The following ZDBF2 variants were observed in gnomAD, a reference collection of about 807,000 sequenced individuals.
ZDBF2 encodes the protein DBF4-type zinc finger-containing protein 2.
In ZDBF2, 6 loss-of-function variants were observed where a neutral mutation model predicts 9.4. The ratio of observed to expected loss-of-function variants is 0.64; its 90% confidence interval spans 0.35 to 1.27. ZDBF2 has a LOEUF of 1.27. Ranked by LOEUF, ZDBF2 falls within the 50% of genes most tolerant of loss-of-function variation. The probability of loss-of-function intolerance (pLI) is 0.03; values close to 1 mark genes in which losing one functional copy is unlikely to be tolerated. For missense variants in ZDBF2, 2,697 were observed against 2,766.8 expected, an observed-to-expected ratio of 0.97 and a Z score of 0.57; for synonymous variants, 905 against 946.3, an observed-to-expected ratio of 0.96 and a Z score of 0.80.
At chr2:206,293,099 A>C (rs1322673231) in intron 3 of ZDBF2, among the ~76,000 whole-genome samples, 1 of 152,172 alleles carries the variant, frequency 6.6e-6, no homozygotes, top group Non-Finnish European at 1.5e-5. Context: ...AAAATAGTGC[A>C]GTTTTGCTGC....
In ZDBF2 at chr2:206,314,198, C is replaced by A. The variant is rs1461665567; in HGVS notation, c.*2605C>A. On this transcript the variant is annotated 3_prime_UTR_variant, in exon 5 of 5. Transcript: ENST00000374423. Reference sequence around the variant, plus strand: ...GAGTTCTACAGTATGTGAACAATATCGTGTGAAGTGTGTTTTTGCATTTGT... The same window carrying A: ...GAGTTCTACAGTATGTGAACAATATAGTGTGAAGTGTGTTTTTGCATTTGT... 1.4e-5 allele frequency: 2 copies of A among 147,226 alleles called. No homozygotes were observed. Among genetic ancestry groups the A allele is most frequent in the Non-Finnish European group, 3.0e-5 (2 of 67,230 alleles). The allele number at this position is 147,226 out of a possible 1,614,324, so 9.1% of individuals were successfully genotyped here.
intron 4 of ZDBF2, among the ~76,000 whole-genome samples, chr2:206,300,009 T>C (rs1467869899): frequency 1.3e-5 from 2 of 152,036 alleles, no homozygotes; most frequent in African/African-American, 4.8e-5. Context: ...GTAGGGAGGC[T>C]GAGGCAGGAG....
In ZDBF2 at chr2:206,308,893, A is replaced by G; in HGVS notation, c.4365A>G (p.Lys1455=). 6.2e-7 allele frequency: 1 copy of G among 1,612,690 alleles called. No individual in the cohort carries two copies. Among genetic ancestry groups the G allele is most frequent in the Non-Finnish European group, 8.5e-7 (1 of 1,179,398 alleles). Residue 1455 remains lysine, a synonymous_variant, in exon 5 of 5, where the codon AAA becomes AAG. Coordinates refer to ENST00000374423, the MANE Select transcript of ZDBF2 (RefSeq NM_020923.3). ...GTGAAGTCTGTGGTTCTGAAATAAA[A>G]TGTCATTCTTGTGTTCATCTTCAGT... ...KNCEVCGSEI[K]CHSCVHLQSE...
rs1693117969 is a variant in ZDBF2, at chr2:206,310,659, A to T, written c.6131A>T (p.Lys2044Ile). Residue 2044 changes from lysine to isoleucine, a missense_variant, in exon 5 of 5, where the codon AAA (lysine) becomes ATA (isoleucine). By Grantham distance (102) the Lys-to-Ile change is moderately radical. This residue lies in a region of ZDBF2 where 1,783 missense variants were observed against 1,776.5 expected (regional missense o/e 1.00). Coordinates refer to ENST00000374423, the MANE Select transcript of ZDBF2 (RefSeq NM_020923.3). ...SWDNDIRFICKYKRNIFDYYE... is the reference protein window; with the variant it reads ...SWDNDIRFICIYKRNIFDYYE... ...GATAATGATATTCGGTTTATATGCA[A>T]ATATAAACGGAATATCTTTGATTAT... The T allele has an allele frequency of 6.2e-7, 1 of 1,610,812 alleles. No homozygotes were observed. The highest frequency in any genetic ancestry group is 1.7e-5 in the Admixed American group (1 of 59,448).
chr2:206,304,977 A>G lies in ZDBF2; in HGVS notation c.449A>G (p.Glu150Gly), dbSNP rs1238669815. Residue 150 changes from glutamate to glycine, a missense_variant, in exon 5 of 5, where the codon GAG (glutamate) becomes GGG (glycine). This residue lies in a region of ZDBF2 where 910 missense variants were observed against 973.6 expected (regional missense o/e 0.93). Transcript: ENST00000374423. The part of the protein sequence containing the change: ...KLEKGQQQPL[E>G]FVHKIGASVR... ...GAGAAGGGACAGCAGCAGCCCTTGGAGTTTGTTCATAAAATTGGGGCCAGT... is the reference window on the plus strand; with the variant it reads ...GAGAAGGGACAGCAGCAGCCCTTGGGGTTTGTTCATAAAATTGGGGCCAGT... 6.2e-7 allele frequency: 1 copy of G among 1,613,652 alleles called. No individual in the cohort carries two copies. Among genetic ancestry groups the G allele is most frequent in the East Asian group, 2.2e-5 (1 of 44,872 alleles).
intron 3 of ZDBF2, among the ~76,000 whole-genome samples, chr2:206,288,719 G>A (rs1375971741): frequency 6.6e-6 from 1 of 152,128 alleles, no homozygotes; most frequent in Non-Finnish European, 1.5e-5. Context: ...AGTAGCTGGG[G>A]CCCAGGGCAT....
intron 3 of ZDBF2, among the ~76,000 whole-genome samples, chr2:206,287,842 A>G (rs542253960): frequency 3.5e-4 from 53 of 152,034 alleles, no homozygotes; most frequent in African/African-American, 1.2e-3. Flanking sequence ...CAAATCTGCT[A>G]TTGAATCTCT....
chr2:206,288,493 C>G (rs1401267020), intron 3 of ZDBF2, among the ~76,000 whole-genome samples: 2 of 152,156 alleles, frequency 1.3e-5, no homozygotes, highest in Non-Finnish European at 2.9e-5. Context: ...GTAGATCCCT[C>G]TTGGTGTTAG....
chr2:206,311,859 A>G lies in ZDBF2; in HGVS notation c.*266A>G, dbSNP rs1693210144. The stretch of plus-strand genomic sequence containing the variant: ...ATGTCACAAAATAATTTAGCACCGT[A>G]TATAGAATTTTGTTCCTCAAATCAT... On this transcript the variant is annotated 3_prime_UTR_variant, in exon 5 of 5. Transcript: ENST00000374423. 4.3e-6 allele frequency: 1 copy of G among 230,920 alleles called. No individual in the cohort carries two copies. Among genetic ancestry groups the G allele is most frequent in the Admixed American group, 5.6e-5 (1 of 17,914 alleles). 14.3% of individuals were successfully genotyped at this position (230,920 alleles called of 1,614,324 possible).
rs756320038 is a variant in ZDBF2 at position 206,305,264 on chromosome 2, A to G, written c.736A>G (p.Thr246Ala). 1.9e-6 allele frequency: 3 copies of G among 1,613,534 alleles called. No homozygotes were observed. Among genetic ancestry groups the G allele is most frequent in the East Asian group, 2.2e-5 (1 of 44,874 alleles). The change falls in exon 5 of 5, where the codon ACT becomes GCT. Residue 246 changes from threonine (T) to alanine (A), a missense_variant. Thr to Ala is a moderately conservative substitution (Grantham distance 58, BLOSUM62 0). Transcript: ENST00000374423. ...RNPVPSSHVE[T>A]TSFSYQKHKE... ...TCCTGTGCCATCATCCCATGTAGAA[A>G]CTACTTCATTTTCGTATCAGAAACA...
intron 3 of ZDBF2, among the ~76,000 whole-genome samples, chr2:206,291,145 T>C (rs1203654579): frequency 6.6e-6 from 1 of 152,240 alleles, no homozygotes; most frequent in Non-Finnish European, 1.5e-5. Flanking sequence ...ACTAGGTAGC[T>C]TAAATCAGCG....
At chr2:206,298,912 G>A (rs148844767) in intron 4 of ZDBF2, among the ~76,000 whole-genome samples, 18 of 151,182 alleles carry the variant, frequency 1.2e-4, no homozygotes, top group Non-Finnish European at 1.3e-4. Context: ...ACAGAGTCTC[G>A]GTCTGTTGGC....
intron 2 of ZDBF2, among the ~76,000 whole-genome samples, chr2:206,281,127 G>A (rs1040774167): frequency 6.6e-6 from 1 of 152,178 alleles, no homozygotes; most frequent in African/African-American, 2.4e-5. Context: ...AGTATGTAAT[G>A]TTGAAGGATT....
rs775430242 is a variant in ZDBF2, at chr2:206,309,178, T to C, written c.4650T>C (p.Thr1550=). The change falls in exon 5 of 5, where the codon ACT becomes ACC. Residue 1550 remains threonine (T), a synonymous_variant. Transcript: ENST00000374423. The part of the protein sequence containing the change: ...ISDDIPLQLV[T]DPPQLTVKDI... ...ATGATATTCCCCTTCAGTTAGTGACTGACCCACCTCAGTTGACTGTCAAAG... is the reference window on the plus strand; with the variant it reads ...ATGATATTCCCCTTCAGTTAGTGACCGACCCACCTCAGTTGACTGTCAAAG... The C allele has an allele frequency of 6.2e-7, 1 of 1,610,424 alleles. No homozygotes were observed. Among genetic ancestry groups the C allele is most frequent in the Admixed American group, 1.7e-5 (1 of 59,396 alleles).
Position 206,305,797 on chromosome 2 carries a change from G to T in ZDBF2, c.1269G>T (p.Val423=), listed in dbSNP as rs1177889933. 6.2e-7 allele frequency: 1 copy of T among 1,613,684 alleles called. No individual in the cohort carries two copies. The highest frequency in any genetic ancestry group is 1.1e-5 in the South Asian group (1 of 91,072). The stretch of plus-strand genomic sequence containing the variant: ...ATTCACTGACTGACCAATCTAAAGT[G>T]AGTGCCAAAGAAGTAAACCTTTCCA... ...SFHSLTDQSK[V]SAKEVNLSKE... is the part of the protein sequence containing the mutation. Residue 423 remains valine, a synonymous_variant, in exon 5 of 5, where the codon GTG becomes GTT. Coordinates refer to ENST00000374423, the MANE Select transcript of ZDBF2 (RefSeq NM_020923.3).
At position 206,306,933 on chromosome 2, in the gene ZDBF2, T is replaced by C; in HGVS notation, c.2405T>C (p.Ile802Thr). The change falls in exon 5 of 5, where the codon ATT becomes ACT. Residue 802 changes from isoleucine (I) to threonine (T), a missense_variant. Physicochemically the swap from Ile to Thr is moderately conservative, Grantham distance 89. Transcript: ENST00000374423. Reference protein sequence around the residue: ...FDSDIPLYSVIDQPEVAVYEE... With the variant: ...FDSDIPLYSVTDQPEVAVYEE... ...TCTGATATTCCTCTTTATTCAGTAA[T>C]TGACCAACCTGAAGTAGCTGTTTAT... 6.2e-7 allele frequency: 1 copy of C among 1,613,730 alleles called. No homozygotes were observed. Among genetic ancestry groups the C allele is most frequent in the Non-Finnish European group, 8.5e-7 (1 of 1,179,770 alleles).
Position 206,306,943 on chromosome 2 carries a change from T to C in ZDBF2, c.2415T>C (p.Pro805=). ...DIPLYSVIDQ[P]EVAVYEEETV... ...CTCTTTATTCAGTAATTGACCAACC[T>C]GAAGTAGCTGTTTATGAGGAAGAAA... The change falls in exon 5 of 5, where the codon CCT becomes CCC. Residue 805 remains proline (P), a synonymous_variant. Transcript: ENST00000374423. 1 of 1,613,712 alleles carries C rather than the reference T, an allele frequency of 6.2e-7. No homozygotes were observed. Among genetic ancestry groups the C allele is most frequent in the Non-Finnish European group, 8.5e-7 (1 of 1,179,754 alleles).
rs184499250 is a variant in ZDBF2 at position 206,307,180 on chromosome 2, T to C, written c.2652T>C (p.Thr884=). The change falls in exon 5 of 5, where the codon ACT becomes ACC. Residue 884 remains threonine, a synonymous_variant. Coordinates refer to ENST00000374423, the MANE Select transcript of ZDBF2 (RefSeq NM_020923.3). ...CCCATGCCCCTCTTCATTCAGTGAC[T>C]AATTCTCCCGAAGTAGCTGTTAAAA... The part of the protein sequence containing the change: ...SDSHAPLHSV[T]NSPEVAVKKL... 146 of 1,613,348 alleles carry C rather than the reference T, an allele frequency of 9.0e-5. No homozygotes were observed. The highest frequency in any genetic ancestry group is 3.3e-4 in the Middle Eastern group (2 of 6,060).
In ZDBF2 at chr2:206,304,870, T is replaced by G. The variant is rs766823426; in HGVS notation, c.342T>G (p.Ile114Met). 1.9e-6 allele frequency: 3 copies of G among 1,613,704 alleles called. No homozygotes were observed. Among genetic ancestry groups the G allele is most frequent in the South Asian group, 2.2e-5 (2 of 91,064 alleles). The change falls in exon 5 of 5, where the codon ATT becomes ATG. Residue 114 changes from isoleucine (I) to methionine (M), a missense_variant. Transcript: ENST00000374423. ...EERPSEVSEP[I>M]EELHSRPHKS... ...GACCATCCGAGGTTTCAGAACCTAT[T>G]GAAGAGTTACATTCCAGACCTCATA...
Sources: gnomAD v4.1 joint callset for allele counts (sites outside exome capture counted in the v4.1 genomes callset) on GRCh38, gnomAD v4.1.1 for gene constraint, gnomAD v4.1.1 regional missense constraint, MANE v1.5 for transcripts, NCBI Gene and HGNC (gene_info 2026-07-23, HGNC 2026-07-21) for gene names.